The following CHN1 variants were observed in gnomAD, a reference collection of about 807,000 sequenced individuals.
The protein encoded by CHN1 is N-chimaerin.
CHN1 carries 37 observed loss-of-function variants against 59.5 expected under a neutral mutation model. That is an observed-to-expected ratio of 0.62 (90% confidence interval 0.48 to 0.82). The LOEUF (loss-of-function observed/expected upper bound fraction) is 0.82, where lower values mean the gene tolerates loss of function less well. CHN1 is among the 40% of genes least tolerant of loss of function. CHN1 has a pLI of 0.00. For synonymous variants in CHN1, 206 were observed against 200.4 expected, an observed-to-expected ratio of 1.03 and a Z score of -0.24; for missense variants, 469 against 571.0, an observed-to-expected ratio of 0.82 and a Z score of 1.82.
chr2:174,851,458 T>C (rs1414730847), intron 6 of CHN1, among the ~76,000 whole-genome samples: 3 of 152,196 alleles, frequency 2.0e-5, no homozygotes, highest in Non-Finnish European at 4.4e-5. Context: ...TCTTGTATTT[T>C]TTTTCTAGAG....
intron 6 of CHN1, among the ~76,000 whole-genome samples, chr2:174,863,455 G>A (rs1038879266): frequency 9.9e-5 from 15 of 152,218 alleles, no homozygotes; most frequent in African/African-American, 3.6e-4. Context: ...ATACATTTAA[G>A]AGATTCACAG....
chr2:174,981,822 T>TATAAAGTATAC (rs1691159276), intron 1 of CHN1, among the ~76,000 whole-genome samples: 1 of 152,064 alleles, frequency 6.6e-6, no homozygotes, highest in African/African-American at 2.4e-5. Flanking sequence ...ATACTTTAAG[T>TATAAAGTATAC]TTTAGGGTAC....
intron 1 of CHN1, among the ~76,000 whole-genome samples, chr2:174,978,434 G>C (rs995919824): frequency 3.3e-5 from 5 of 152,166 alleles, no homozygotes; most frequent in Admixed American, 1.3e-4. Context: ...TGGCAGCACA[G>C]GGCATTAAAC....
intron 3 of CHN1, among the ~76,000 whole-genome samples, chr2:174,919,599 CTT>C (rs1056035713): frequency 1.3e-5 from 2 of 152,106 alleles, no homozygotes; most frequent in African/African-American, 4.8e-5. Flanking sequence ...ATCATCCTCA[CTT>C]TATTTTTCTG....
At chr2:174,870,872 G>C (rs564648954) in intron 6 of CHN1, among the ~76,000 whole-genome samples, 135 of 152,288 alleles carry the variant, frequency 8.9e-4, no homozygotes, top group African/African-American at 3.0e-3. Flanking sequence ...AGTTGGCCCA[G>C]ATACAGAAAC....
intron 1 of CHN1, among the ~76,000 whole-genome samples, chr2:174,959,560 C>T (rs1181873664): frequency 6.6e-6 from 1 of 152,186 alleles, no homozygotes; most frequent in African/African-American, 2.4e-5. Context: ...AACATTACCC[C>T]AATCTTTAAT....
At chr2:174,853,738 C>G (rs777465375) in intron 6 of CHN1, among the ~76,000 whole-genome samples, 1 of 152,160 alleles carries the variant, frequency 6.6e-6, no homozygotes, top group Admixed American at 6.6e-5. Flanking sequence ...AAATGTGGTA[C>G]ATACACACTA....
chr2:174,830,014 C>T (rs754457021), intron 7 of CHN1, among the ~76,000 whole-genome samples: 20 of 151,962 alleles, frequency 1.3e-4, no homozygotes, highest in Admixed American at 4.6e-4. Context: ...CGGTGGCTCA[C>T]GAGGTCAAGA....
At chr2:174,839,343 T>C (rs2105423643) in intron 7 of CHN1, among the ~76,000 whole-genome samples, 1 of 152,286 alleles carries the variant, frequency 6.6e-6, no homozygotes, top group South Asian at 2.1e-4. Flanking sequence ...TTATTCAGCC[T>C]TAATAAAGGA....
rs1296078594 is a variant in CHN1, at chr2:174,885,283, G to GA, written c.261-7156dup. ...GAGCGAGACTCGGTCTCAAAAAAAA[G>GA]AAAAAAAAATATATATATATAGAGA... On this transcript the variant is annotated intron_variant, in intron 5 of 12. Transcript: ENST00000409900. Among the ~76,000 whole-genome samples the GA allele has an allele frequency of 1.1e-3, 154 of 145,914 alleles. No individual in the cohort carries two copies. In the South Asian group the frequency reaches 0.014, roughly 13 times the overall value.
Position 174,799,670 on chromosome 2 carries a change from G to T in CHN1, c.*446C>A, listed in dbSNP as rs1350687295. The T allele has an allele frequency of 1.9e-6, 1 of 533,318 alleles. No homozygotes were observed. Among genetic ancestry groups the T allele is most frequent in the Non-Finnish European group, 3.6e-6 (1 of 275,792 alleles). The allele number at this position is 533,318 out of a possible 1,614,324, so 33.0% of individuals were successfully genotyped here. ...TTATGGTAATGTAACAGCCAGAGGT[G>T]CTGTTTTATCCATTTGTGTGTGCGT... On this transcript the variant is annotated 3_prime_UTR_variant, in exon 13 of 13. Coordinates refer to ENST00000409900, the MANE Select transcript of CHN1 (RefSeq NM_001822.7).
At position 175,005,144 on chromosome 2, in the gene CHN1, T is replaced by G; in HGVS notation, c.-232A>C. On this transcript the variant is annotated 5_prime_UTR_variant, in exon 1 of 13. Coordinates refer to ENST00000409900, the MANE Select transcript of CHN1 (RefSeq NM_001822.7). Reference sequence around the variant, plus strand: ...ACCGGGCCCAGGGAGCCCCGCTAGCTCTCCGCGAGCCGGCACTTGTCGCTG... The same window carrying G: ...ACCGGGCCCAGGGAGCCCCGCTAGCGCTCCGCGAGCCGGCACTTGTCGCTG... The G allele has an allele frequency of 7.7e-7, 1 of 1,292,028 alleles. No homozygotes were observed. Among genetic ancestry groups the G allele is most frequent in the Non-Finnish European group, 9.8e-7 (1 of 1,017,626 alleles). 80.0% of individuals were successfully genotyped at this position (1,292,028 alleles called of 1,614,324 possible).
intron 3 of CHN1, among the ~76,000 whole-genome samples, chr2:174,942,725 A>AAAT (rs887001762): frequency 6.6e-6 from 1 of 152,188 alleles, no homozygotes; most frequent in African/African-American, 2.4e-5. Context: ...ATGCACAATT[A>AAAT]TTATGTGTCA....
At chr2:174,989,776 T>G (rs907628118) in intron 1 of CHN1, among the ~76,000 whole-genome samples, 1 of 150,904 alleles carries the variant, frequency 6.6e-6, no homozygotes. Context: ...GGAAACACAG[T>G]GAAACCCTGT....
Position 174,975,133 on chromosome 2 carries a change from G to A in CHN1, c.20-22931C>T, listed in dbSNP as rs185885029. Among the ~76,000 whole-genome samples the A allele has an allele frequency of 2.6e-5, 4 of 152,170 alleles. No individual in the cohort carries two copies. The East Asian group carries it at 7.7e-4, about 29-fold the overall frequency. ...CACTATTTTATTCCTCTACTGCTCA[G>A]TAGCAAAAAGCTGACACAATCATAA... is the stretch of plus-strand genomic sequence containing the variant. On this transcript the variant is annotated intron_variant, in intron 1 of 12. Transcript: ENST00000409900.
chr2:174,959,059 A>C (rs1023960307), intron 1 of CHN1, among the ~76,000 whole-genome samples: 1 of 152,076 alleles, frequency 6.6e-6, no homozygotes, highest in Non-Finnish European at 1.5e-5. Context: ...TATTCTTTTA[A>C]TATTTCTTTT....
At chr2:174,847,871 A>G (rs1366942077) in intron 6 of CHN1, 1 of 418,496 alleles carries the variant, frequency 2.4e-6, no homozygotes, top group African/African-American at 2.1e-5. Flanking sequence ...TAACCTATTA[A>G]AAGCAGAGGA....
chr2:174,957,441 T>G (rs1267784004), intron 1 of CHN1, among the ~76,000 whole-genome samples: 4 of 86,366 alleles, frequency 4.6e-5, no homozygotes, highest in Non-Finnish European at 7.0e-5. Flanking sequence ...CTAGGGTGTG[T>G]GTGTTGGGGG....
chr2:174,910,798 G>A (rs1688675040), intron 5 of CHN1, among the ~76,000 whole-genome samples: 1 of 151,398 alleles, frequency 6.6e-6, no homozygotes, highest in Admixed American at 6.6e-5. Flanking sequence ...TACTCGGGAG[G>A]CTGAGGCAGG....
Sources: gnomAD v4.1 joint callset for allele counts (sites outside exome capture counted in the v4.1 genomes callset) on GRCh38, gnomAD v4.1.1 for gene constraint, MANE v1.5 for transcripts, NCBI Gene and HGNC (gene_info 2026-07-23, HGNC 2026-07-21) for gene names.